ARID1B: variants seen among roughly 807,000 people sequenced by gnomAD.
ARID1B encodes the protein AT-rich interactive domain-containing protein 1B.
In ARID1B, 30 loss-of-function variants were observed where a neutral mutation model predicts 212.3. The ratio of observed to expected loss-of-function variants is 0.14; its 90% confidence interval spans 0.11 to 0.19. The LOEUF (loss-of-function observed/expected upper bound fraction) is 0.19. ARID1B is among the 10% of genes least tolerant of loss of function. The pLI is 1.00. For missense variants in ARID1B, 2,891 were observed against 3,204.0 expected (o/e 0.90, Z 2.36); for synonymous variants, 1,402 against 1,301.7 (o/e 1.08, Z -1.66).
At chr6:157,040,467 T>G (rs62424285) in intron 4 of ARID1B, among the ~76,000 whole-genome samples, 48,963 of 152,072 alleles carry the variant, frequency 0.32, 8,058 homozygotes, top group African/African-American at 0.35. Context: ...TCTTTAATGA[T>G]CCTTTATCTT....
chr6:156,947,222 T>A (rs1793217774), intron 4 of ARID1B, among the ~76,000 whole-genome samples: 1 of 152,210 alleles, frequency 6.6e-6, no homozygotes, highest in Non-Finnish European at 1.5e-5. Context: ...TCCAAATAGG[T>A]TCCTTTCCTT....
intron 2 of ARID1B, among the ~76,000 whole-genome samples, chr6:156,879,762 A>G (rs989684628): frequency 6.6e-6 from 1 of 152,232 alleles, no homozygotes; most frequent in Non-Finnish European, 1.5e-5. Context: ...GTTAAGATAT[A>G]AACATATGAC....
At position 157,155,598 on chromosome 6, in the gene ARID1B, C is replaced by T. The variant is rs1021308047; in HGVS notation, c.3089+6647C>T. On this transcript the variant is annotated intron_variant, in intron 8 of 19. Transcript: ENST00000636930. ...TCTGTAGACCTGCATTTTAATACTA[C>T]ATCATACCAAAAACTAGGGTCACTG... 3.9e-5 allele frequency among the ~76,000 whole-genome samples: 6 copies of T among 152,116 alleles called. No homozygotes were observed. In the South Asian group the frequency reaches 1.2e-3, roughly 32 times the overall value.
intron 4 of ARID1B, among the ~76,000 whole-genome samples, chr6:157,007,749 A>G (rs972638756): frequency 9.9e-5 from 13 of 130,914 alleles, no homozygotes; most frequent in Non-Finnish European, 1.4e-4. Flanking sequence ...TTTTTCCCCA[A>G]GACAGAGTCT....
At chr6:156,948,097 T>A (rs572526256) in intron 4 of ARID1B, among the ~76,000 whole-genome samples, 1 of 152,312 alleles carries the variant, frequency 6.6e-6, no homozygotes, top group South Asian at 2.1e-4. Context: ...TAAAACAGTC[T>A]CTCCTTTTAA....
intron 4 of ARID1B, among the ~76,000 whole-genome samples, chr6:156,984,380 C>T (rs534494902): frequency 1.3e-5 from 2 of 152,300 alleles, no homozygotes; most frequent in Admixed American, 6.5e-5. Context: ...CCCCACAGTG[C>T]TCTTTGCCAT....
At chr6:157,119,416 C>T (rs995526061) in intron 6 of ARID1B, among the ~76,000 whole-genome samples, 1 of 152,196 alleles carries the variant, frequency 6.6e-6, no homozygotes, top group African/African-American at 2.4e-5. Context: ...GCCCCGGCTT[C>T]CTTTGCTGGC....
intron 8 of ARID1B, among the ~76,000 whole-genome samples, chr6:157,162,794 C>T (rs2128281783): frequency 6.6e-6 from 1 of 152,310 alleles, no homozygotes; most frequent in Admixed American, 6.5e-5. Context: ...GGGGTCAACA[C>T]CACCCAACCA....
chr6:156,946,414 C>T (rs1287565191), intron 4 of ARID1B, among the ~76,000 whole-genome samples: 1 of 151,870 alleles, frequency 6.6e-6, no homozygotes, highest in African/African-American at 2.4e-5. Context: ...TAAATATGCC[C>T]ATTAGTGAGT....
intron 3 of ARID1B, among the ~76,000 whole-genome samples, chr6:156,929,525 TTTCCAA>T (rs1791524582): frequency 6.6e-6 from 1 of 152,196 alleles, no homozygotes; most frequent in Admixed American, 6.5e-5. Flanking sequence ...TGATAGGGAA[TTTCCAA>T]AGCACAAAGA....
chr6:156,977,160 T>G (rs1583064593), intron 4 of ARID1B: 1 of 204,708 alleles, frequency 4.9e-6, no homozygotes. Context: ...GGGACTGGTG[T>G]GGTTTTCTTT....
rs1778855977 is a variant in ARID1B, at chr6:156,778,483, AGGACGACGC to A, written c.805_813del (p.Asp269_Ala271del). 4 of 1,288,706 alleles carry A rather than the reference AGGACGACGC, an allele frequency of 3.1e-6. No individual in the cohort carries two copies. In the African/African-American group the frequency reaches 6.2e-5, roughly 20 times the overall value. 79.8% of individuals were successfully genotyped at this position (1,288,706 alleles called of 1,614,324 possible). A position where few individuals can be genotyped will look rare whatever the true frequency, so the allele number is the denominator to read the frequency against. ...CCGCTGCTGAGCAAGCCGGGCGACG[AGGACGACGC>A]GCCGCCCAAGATGGGGGAGCCGGCG... On this transcript the variant is annotated inframe_deletion, in exon 1 of 20. Transcript: ENST00000636930.
At chr6:156,889,797 G>C (rs1787786086) in intron 2 of ARID1B, among the ~76,000 whole-genome samples, 1 of 152,072 alleles carries the variant, frequency 6.6e-6, no homozygotes, top group Non-Finnish European at 1.5e-5. Context: ...ACAGTAGTTG[G>C]CAAGGAATTT....
chr6:156,979,593 C>G (rs547637420), intron 4 of ARID1B, among the ~76,000 whole-genome samples: 2 of 151,742 alleles, frequency 1.3e-5, no homozygotes, highest in African/African-American at 2.4e-5. Context: ...AAGTCTCGCT[C>G]TGTCGCCAGG....
At chr6:156,794,182 T>G (rs1780194810) in intron 1 of ARID1B, among the ~76,000 whole-genome samples, 1 of 152,126 alleles carries the variant, frequency 6.6e-6, no homozygotes, top group Non-Finnish European at 1.5e-5. Context: ...GAAGAGCAAG[T>G]GGTAACATTT....
chr6:157,104,146 T>C (rs1041614591), intron 5 of ARID1B, among the ~76,000 whole-genome samples: 1 of 152,216 alleles, frequency 6.6e-6, no homozygotes, highest in African/African-American at 2.4e-5. Flanking sequence ...AACAACTCTG[T>C]TATTAATATA....
intron 2 of ARID1B, among the ~76,000 whole-genome samples, chr6:156,900,117 G>C (rs1028398065): frequency 6.6e-6 from 1 of 152,184 alleles, no homozygotes; most frequent in Non-Finnish European, 1.5e-5. Context: ...CAACTGTGCT[G>C]TTAAATGGCT....
At chr6:157,041,448 CAT>C (rs746929843) in intron 4 of ARID1B, among the ~76,000 whole-genome samples, 15 of 152,100 alleles carry the variant, frequency 9.9e-5, no homozygotes, top group Admixed American at 8.5e-4. Context: ...CATTAAAAAA[CAT>C]GTAAACATAA....
chr6:156,944,386 C>G (rs1473874205), intron 4 of ARID1B, among the ~76,000 whole-genome samples: 1 of 152,156 alleles, frequency 6.6e-6, no homozygotes, highest in Non-Finnish European at 1.5e-5. Context: ...CGCAGACCTT[C>G]CTGTGGTCTC....
Sources: allele counts gnomAD v4.1 joint callset (sites outside exome capture counted in the v4.1 genomes callset), GRCh38; gene constraint gnomAD v4.1.1; transcripts MANE v1.5; gene names NCBI Gene and HGNC (gene_info 2026-07-23, HGNC 2026-07-21).